Variants in RPS6KA2 observed in about 807,000 individuals in gnomAD.
The protein encoded by RPS6KA2 is ribosomal protein S6 kinase A2.
In RPS6KA2, 42 loss-of-function variants were observed where a neutral mutation model predicts 91.8. The ratio of observed to expected loss-of-function variants is 0.46; its 90% CI spans 0.36 to 0.59. RPS6KA2 has a LOEUF of 0.59. Ranked by LOEUF, RPS6KA2 falls within the 20% of genes least tolerant of loss-of-function variation. The pLI, the probability that RPS6KA2 is intolerant of heterozygous loss-of-function variation, is 0.00. For synonymous variants in RPS6KA2, 414 were observed against 393.6 expected (o/e 1.05, Z -0.61); for missense variants, 798 against 978.5 (o/e 0.82, Z 2.46).
chr6:166,702,555 C>G, intron 2 of RPS6KA2: 1 of 1,444,506 alleles, frequency 6.9e-7, no homozygotes, highest in East Asian at 2.3e-5. Context: ...TATCCAGCAC[C>G]TCCCACTGTA....
At chr6:166,629,532 T>C (rs575676199), upstream of RPS6KA2, among the ~76,000 whole-genome samples, 65 of 152,378 alleles carry the variant, frequency 4.3e-4, no homozygotes, top group Non-Finnish European at 1.0e-4. Context: ...TACCAAAATC[T>C]CTAGTGATCA....
chr6:166,561,568 G>T (rs979705571), intron 1 of RPS6KA2, among the ~76,000 whole-genome samples: 3 of 151,874 alleles, frequency 2.0e-5, no homozygotes, highest in Non-Finnish European at 2.9e-5. Flanking sequence ...TGTGGGGGGA[G>T]TCCTGGGTCA....
intron 2 of RPS6KA2, among the ~76,000 whole-genome samples, chr6:166,674,214 C>T (rs182449711): frequency 6.6e-6 from 1 of 152,318 alleles, no homozygotes; most frequent in East Asian, 1.9e-4. Context: ...AGGAAAGCAA[C>T]ATAATGCATT....
At chr6:166,560,175 C>A (rs1203155485) in intron 1 of RPS6KA2, among the ~76,000 whole-genome samples, 2 of 152,164 alleles carry the variant, frequency 1.3e-5, no homozygotes, top group African/African-American at 2.4e-5. Context: ...AAGAAGCCAC[C>A]AATGAATAAG....
At chr6:166,731,338 A>T (rs1790509903) in intron 2 of RPS6KA2, among the ~76,000 whole-genome samples, 1 of 152,206 alleles carries the variant, frequency 6.6e-6, no homozygotes. Context: ...TTGCAACTAC[A>T]GCTAGAAGCT....
chr6:166,824,623 GTC>G (rs1779987183), intron 2 of RPS6KA2, among the ~76,000 whole-genome samples: 1 of 146,938 alleles, frequency 6.8e-6, no homozygotes, highest in South Asian at 2.4e-4. Flanking sequence ...GTGTCTGTGT[GTC>G]TATGTGGGTG....
Position 166,651,523 on chromosome 6 carries a change from C to T in RPS6KA2, c.124-112739G>A, listed in dbSNP as rs115577403. 9.8e-3 allele frequency among the ~76,000 whole-genome samples: 1,495 copies of T among 152,306 alleles called. 28 individuals carry two copies. The highest frequency in any genetic ancestry group is 0.034 in the African/African-American group (1,396 of 41,542). ...CGTTTTTCAGAAGTAGACAATTCTTCACGGGAAGACAACGGAAATCCAAGG... is the reference window on the plus strand; with the variant it reads ...CGTTTTTCAGAAGTAGACAATTCTTTACGGGAAGACAACGGAAATCCAAGG... On this transcript the variant is annotated intron_variant, in intron 2 of 21. Coordinates refer to the RPS6KA2 transcript ENST00000503859.
intron 1 of RPS6KA2, among the ~76,000 whole-genome samples, chr6:166,614,402 C>T (rs1320027744): frequency 2.0e-5 from 3 of 152,288 alleles, no homozygotes; most frequent in South Asian, 4.1e-4. Flanking sequence ...CTGCCCGGCC[C>T]GCTTCCTACC....
At chr6:166,613,688 C>T (rs1786282524) in intron 1 of RPS6KA2, among the ~76,000 whole-genome samples, 1 of 152,220 alleles carries the variant, frequency 6.6e-6, no homozygotes, top group South Asian at 2.1e-4. Context: ...ACGCATCACC[C>T]AAAGGATCCT....
intron 2 of RPS6KA2, among the ~76,000 whole-genome samples, chr6:166,730,319 T>C (rs972937855): frequency 6.6e-6 from 1 of 152,220 alleles, no homozygotes; most frequent in Non-Finnish European, 1.5e-5. Flanking sequence ...TTATGAGTTA[T>C]GGACATTTAT....
chr6:166,839,689 A>AGAGGGGAGGGGAGGGGAGGGGAGGG (rs1554262087), intron 2 of RPS6KA2, among the ~76,000 whole-genome samples: 2 of 6,786 alleles, frequency 2.9e-4, no homozygotes, highest in African/African-American at 7.8e-4. Context: ...GCAGGAGAGG[A>AGAGGGGAGGGGAGGGGAGGGGAGGG]GAGGGGAGGA....
chr6:166,717,789 TG>T (rs1292255681), intron 2 of RPS6KA2, among the ~76,000 whole-genome samples: 1 of 152,174 alleles, frequency 6.6e-6, no homozygotes, highest in African/African-American at 2.4e-5. Context: ...CAAGCCCATT[TG>T]TTATAGATTT....
chr6:166,858,301 T>A, intron 1 of RPS6KA2: 1 of 1,223,108 alleles, frequency 8.2e-7, no homozygotes, highest in Non-Finnish European at 1.2e-6. Context: ...AGCATTGCCA[T>A]GTGTTTGTAG....
intron 17 of RPS6KA2, among the ~76,000 whole-genome samples, chr6:166,421,619 A>C (rs1214985860): frequency 6.6e-6 from 1 of 151,770 alleles, no homozygotes; most frequent in Non-Finnish European, 1.5e-5. Context: ...GGTCTCTAAA[A>C]ATTCTCTGTT....
At chr6:166,689,177 G>T (rs945152380) in intron 2 of RPS6KA2, among the ~76,000 whole-genome samples, 10 of 152,244 alleles carry the variant, frequency 6.6e-5, no homozygotes, top group Non-Finnish European at 1.3e-4. Flanking sequence ...CTTTCTCAGT[G>T]CCGAGCACCA....
chr6:166,676,160 C>T (rs912873012), intron 2 of RPS6KA2, among the ~76,000 whole-genome samples: 28 of 152,118 alleles, frequency 1.8e-4, no homozygotes, highest in African/African-American at 6.7e-4. Flanking sequence ...CTACCAAAAA[C>T]ACAAAAATTA....
intron 2 of RPS6KA2, among the ~76,000 whole-genome samples, chr6:166,696,052 C>G (rs952449394): frequency 6.6e-5 from 10 of 152,202 alleles, no homozygotes; most frequent in Non-Finnish European, 1.2e-4. Context: ...TGCACTCCCC[C>G]CTCTTCCACG....
At chr6:166,578,869 G>A (rs1238731486) in intron 1 of RPS6KA2, among the ~76,000 whole-genome samples, 2 of 152,206 alleles carry the variant, frequency 1.3e-5, no homozygotes, top group African/African-American at 4.8e-5. Context: ...TCTGTGCAGA[G>A]ATATGTGAGG....
At chr6:166,751,960 G>A (rs1791299573) in intron 2 of RPS6KA2, among the ~76,000 whole-genome samples, 1 of 152,112 alleles carries the variant, frequency 6.6e-6, no homozygotes, top group Non-Finnish European at 1.5e-5. Context: ...CAGACTCCGT[G>A]GAGCACAGAA....
Sources: gnomAD v4.1 joint callset for allele counts (sites outside exome capture counted in the v4.1 genomes callset) on GRCh38, gnomAD v4.1.1 for gene constraint, MANE v1.5 for transcripts, NCBI Gene and HGNC (gene_info 2026-07-23, HGNC 2026-07-21) for gene names.